The following PHTF2 variants were observed in gnomAD, a reference collection of about 807,000 sequenced individuals.
The protein encoded by PHTF2 is putative homeodomain transcription factor 2.
PHTF2 carries 60 observed loss-of-function variants against 101.2 expected under a neutral mutation model. The ratio of observed to expected loss-of-function variants is 0.59; its 90% CI spans 0.48 to 0.73. PHTF2 has a LOEUF of 0.73. Ranked by LOEUF, PHTF2 falls within the 30% of genes least tolerant of loss-of-function variation. The probability of loss-of-function intolerance (pLI) is 0.00; values close to 1 mark genes in which losing one functional copy is unlikely to be tolerated. For missense variants in PHTF2, 747 were observed against 908.7 expected (o/e 0.82, Z 2.29); for synonymous variants, 311 against 307.3 (o/e 1.01, Z -0.13).
chr7:77,882,070 G>A (rs531195700), intron 3 of PHTF2, among the ~76,000 whole-genome samples: 1 of 152,270 alleles, frequency 6.6e-6, no homozygotes, highest in South Asian at 2.1e-4. Flanking sequence ...ATCAGGATTC[G>A]TGATTTGATG....
At chr7:77,956,430 T>C (rs1012927530) in exon 20 of PHTF2, 1 of 152,618 alleles carries the variant, frequency 6.6e-6, no homozygotes, top group Non-Finnish European at 1.5e-5. Flanking sequence ...TTGTGTAGTA[T>C]GTTTTTTCTT....
intron 3 of PHTF2, among the ~76,000 whole-genome samples, chr7:77,871,064 A>G (rs1468265662): frequency 2.0e-5 from 3 of 152,008 alleles, no homozygotes; most frequent in East Asian, 1.9e-4. Flanking sequence ...ATTGATGACT[A>G]CCTTCTTCTA....
At chr7:77,917,131 T>A (rs1803002098) in intron 9 of PHTF2, among the ~76,000 whole-genome samples, 1 of 152,248 alleles carries the variant, frequency 6.6e-6, no homozygotes, top group Non-Finnish European at 1.5e-5. Context: ...ATTTCTATTT[T>A]ATTCAATTTT....
intron 3 of PHTF2, among the ~76,000 whole-genome samples, chr7:77,880,885 C>G (rs1338364345): frequency 6.6e-6 from 1 of 152,152 alleles, no homozygotes; most frequent in Non-Finnish European, 1.5e-5. Context: ...TATTTAAATT[C>G]CGCTCCTGAT....
chr7:77,927,195 T>TATACACACACACACAC (rs1554388751), intron 11 of PHTF2, among the ~76,000 whole-genome samples: 16 of 78,544 alleles, frequency 2.0e-4, no homozygotes, highest in African/African-American at 5.9e-4. Context: ...TATATATATA[T>TATACACACACACACAC]ACATACACAC....
intron 1 of PHTF2, among the ~76,000 whole-genome samples, chr7:77,830,134 G>T (rs138464006): frequency 6.6e-6 from 1 of 152,112 alleles, no homozygotes; most frequent in Non-Finnish European, 1.5e-5. Flanking sequence ...CTCAAAGAAC[G>T]TGTGGGTGGG....
chr7:77,895,970 C>G (rs1800837008), intron 5 of PHTF2: 1 of 152,122 alleles, frequency 6.6e-6, no homozygotes, highest in Non-Finnish European at 1.5e-5. Flanking sequence ...TTCTTTCCCA[C>G]TATTGCACTT....
chr7:77,897,814 G>A (rs1272247471), intron 5 of PHTF2, among the ~76,000 whole-genome samples: 6 of 152,032 alleles, frequency 3.9e-5, no homozygotes, highest in Non-Finnish European at 8.8e-5. Context: ...CCAAGTAGCT[G>A]GTATTACAGG....
At chr7:77,868,699 T>C (rs905071583) in intron 3 of PHTF2, among the ~76,000 whole-genome samples, 3 of 152,206 alleles carry the variant, frequency 2.0e-5, no homozygotes, top group Admixed American at 6.5e-5. Context: ...ATCAGATTTA[T>C]CCTAGGAAGG....
intron 7 of PHTF2, chr7:77,907,785 T>C (rs928740921): frequency 6.6e-6 from 1 of 152,214 alleles, no homozygotes; most frequent in Non-Finnish European, 1.5e-5. Flanking sequence ...TAAGCACATA[T>C]AACCACATTA....
intron 1 of PHTF2, among the ~76,000 whole-genome samples, chr7:77,831,319 G>A (rs555698985): frequency 1.3e-5 from 2 of 152,220 alleles, no homozygotes; most frequent in Non-Finnish European, 2.9e-5. Flanking sequence ...TATTCTTAGC[G>A]GCTAAAGCAT....
At chr7:77,912,645 C>A (rs964867055) in intron 9 of PHTF2, among the ~76,000 whole-genome samples, 30 of 147,432 alleles carry the variant, frequency 2.0e-4, no homozygotes, top group African/African-American at 7.5e-4. Flanking sequence ...AGGTTGAGAA[C>A]CACTATTCTA....
intron 3 of PHTF2, among the ~76,000 whole-genome samples, chr7:77,888,302 G>A (rs1372718424): frequency 6.6e-6 from 1 of 152,132 alleles, no homozygotes; most frequent in African/African-American, 2.4e-5. Flanking sequence ...TTTTAGTAGA[G>A]ACGGGGTTTC....
chr7:77,940,094 G>A (rs968074494), exon 14 of PHTF2: 1 of 1,613,550 alleles, frequency 6.2e-7, no homozygotes. Context: ...CTCATACTGG[G>A]TTTAACTCCA....
At chr7:77,897,483 T>C (rs1800980419) in intron 5 of PHTF2, among the ~76,000 whole-genome samples, 1 of 151,830 alleles carries the variant, frequency 6.6e-6, no homozygotes, top group African/African-American at 2.4e-5. Flanking sequence ...TGTTTCTACT[T>C]TCTAGTTTGT....
At chr7:77,817,329 G>A (rs1027901875) in intron 1 of PHTF2, among the ~76,000 whole-genome samples, 8 of 151,944 alleles carry the variant, frequency 5.3e-5, no homozygotes, top group South Asian at 2.1e-4. Context: ...GTATTAGTTC[G>A]TTCTCACGCT....
chr7:77,826,722 A>G (rs1794720235), intron 1 of PHTF2, among the ~76,000 whole-genome samples: 1 of 152,232 alleles, frequency 6.6e-6, no homozygotes, highest in African/African-American at 2.4e-5. Flanking sequence ...ACAGGGTGCC[A>G]GCACAATTTT....
chr7:77,942,692 C>T lies in PHTF2; in HGVS notation c.1873-8C>T, dbSNP rs1355562500. On this transcript the variant is annotated splice_polypyrimidine_tract_variant and splice_region_variant and intron_variant, in intron 15 of 19. Transcript: ENST00000416283. ...TTTCCTTTTCTCCCTTCCACCCACA[C>T]CCTGCAGCGTCGAGGTCCTCAGCGA... The T allele has an allele frequency of 1.3e-6, 2 of 1,545,190 alleles. No homozygotes were observed. The highest frequency in any genetic ancestry group is 2.3e-5 in the East Asian group (1 of 43,984).
intron 7 of PHTF2, among the ~76,000 whole-genome samples, chr7:77,906,090 C>T (rs921099317): frequency 6.6e-6 from 1 of 152,138 alleles, no homozygotes; most frequent in Non-Finnish European, 1.5e-5. Flanking sequence ...CAGGTTCAAG[C>T]AGTTCTTCTG....
Sources: allele counts gnomAD v4.1 joint callset (sites outside exome capture counted in the v4.1 genomes callset), GRCh38; gene constraint gnomAD v4.1.1; transcripts MANE v1.5; gene names NCBI Gene and HGNC (gene_info 2026-07-23, HGNC 2026-07-21).